Variants in UNC5D observed in about 807,000 individuals in gnomAD.
UNC5D encodes unc-5 netrin receptor D.
A neutral mutation model predicts 105.4 loss-of-function variants in UNC5D; 39 were observed. That is an observed-to-expected ratio of 0.37 (90% CI 0.29 to 0.48). UNC5D has a LOEUF of 0.48. Ranked by LOEUF, UNC5D falls within the 20% of genes least tolerant of loss-of-function variation. The probability of loss-of-function intolerance (pLI) is 0.98; values close to 1 mark genes in which losing one functional copy is unlikely to be tolerated. For synonymous variants in UNC5D, 452 were observed against 450.4 expected (o/e 1.00, Z -0.04); for missense variants, 991 against 1,202.4 (o/e 0.82, Z 2.60).
intron 9 of UNC5D, among the ~76,000 whole-genome samples, chr8:35,722,782 C>T (rs988368043): frequency 2.0e-5 from 3 of 152,050 alleles, no homozygotes; most frequent in Non-Finnish European, 2.9e-5. Context: ...TTACAGCCTC[C>T]CAGGTATATT....
At chr8:35,325,331 T>A (rs1376441816) in intron 1 of UNC5D, among the ~76,000 whole-genome samples, 1 of 152,198 alleles carries the variant, frequency 6.6e-6, no homozygotes, top group African/African-American at 2.4e-5. Context: ...TGCTTCTAGG[T>A]TGACAATCTC....
intron 1 of UNC5D, among the ~76,000 whole-genome samples, chr8:35,492,263 G>A (rs1811263351): frequency 6.6e-6 from 1 of 151,990 alleles, no homozygotes; most frequent in Non-Finnish European, 1.5e-5. Context: ...AGAGCTTAGT[G>A]ATTTATTTCT....
At chr8:35,678,047 C>T (rs1407538430) in intron 4 of UNC5D, among the ~76,000 whole-genome samples, 3 of 151,878 alleles carry the variant, frequency 2.0e-5, no homozygotes, top group African/African-American at 4.8e-5. Context: ...AGTTTTCAAA[C>T]TATAATTTTG....
chr8:35,468,512 C>G (rs1809474833), intron 1 of UNC5D, among the ~76,000 whole-genome samples: 1 of 152,170 alleles, frequency 6.6e-6, no homozygotes, highest in East Asian at 1.9e-4. Flanking sequence ...TATTCAGTGC[C>G]TAGCTATCTC....
At chr8:35,458,117 T>C (rs1339206443) in intron 1 of UNC5D, among the ~76,000 whole-genome samples, 1 of 152,084 alleles carries the variant, frequency 6.6e-6, no homozygotes, top group Non-Finnish European at 1.5e-5. Flanking sequence ...CATAGTAACA[T>C]GGTTGCTGAA....
At chr8:35,426,181 C>A (rs978920194) in intron 1 of UNC5D, among the ~76,000 whole-genome samples, 1 of 152,064 alleles carries the variant, frequency 6.6e-6, no homozygotes, top group Non-Finnish European at 1.5e-5. Context: ...TTCTTCCCAC[C>A]ACCATCAAAA....
At chr8:35,672,447 G>A (rs1824873526) in intron 4 of UNC5D, among the ~76,000 whole-genome samples, 1 of 152,272 alleles carries the variant, frequency 6.6e-6, no homozygotes, top group South Asian at 2.1e-4. Flanking sequence ...ATCACACTAT[G>A]TTTTAGAGCA....
At chr8:35,512,886 AC>A (rs1405947728) in intron 1 of UNC5D, among the ~76,000 whole-genome samples, 1 of 151,960 alleles carries the variant, frequency 6.6e-6, no homozygotes, top group East Asian at 2.0e-4. Context: ...TCACTATATT[AC>A]CCAAACTGGC....
At chr8:35,284,197 G>A (rs1345590355) in intron 1 of UNC5D, among the ~76,000 whole-genome samples, 1 of 152,054 alleles carries the variant, frequency 6.6e-6, no homozygotes, top group Non-Finnish European at 1.5e-5. Context: ...TAAAAATTAT[G>A]CATATGAAAT....
intron 4 of UNC5D, among the ~76,000 whole-genome samples, chr8:35,607,728 G>C (rs913556047): frequency 1.3e-5 from 2 of 151,878 alleles, no homozygotes; most frequent in Non-Finnish European, 2.9e-5. Flanking sequence ...TTTCCTCTTT[G>C]ATGGGCACTT....
chr8:35,698,695 A>T (rs1222094202), intron 7 of UNC5D, among the ~76,000 whole-genome samples: 9 of 152,086 alleles, frequency 5.9e-5, no homozygotes, highest in Non-Finnish European at 5.9e-5. Flanking sequence ...TATCTTTGCT[A>T]TTGTAAATCA....
At chr8:35,736,357 C>A (rs975243886) in intron 11 of UNC5D, among the ~76,000 whole-genome samples, 1 of 152,088 alleles carries the variant, frequency 6.6e-6, no homozygotes, top group Non-Finnish European at 1.5e-5. Context: ...GGCTATACAG[C>A]GAGACCCTGT....
intron 4 of UNC5D, among the ~76,000 whole-genome samples, chr8:35,644,767 A>G (rs544803055): frequency 6.6e-6 from 1 of 152,296 alleles, no homozygotes; most frequent in East Asian, 1.9e-4. Context: ...ATCATCTTAA[A>G]GAGTTGTGGC....
chr8:35,296,356 T>C (rs1187518940), intron 1 of UNC5D, among the ~76,000 whole-genome samples: 1 of 152,168 alleles, frequency 6.6e-6, no homozygotes, highest in African/African-American at 2.4e-5. Context: ...GCCATCCTAA[T>C]AGGTGTGAGG....
chr8:35,328,047 T>TTTTG (rs948530974), intron 1 of UNC5D, among the ~76,000 whole-genome samples: 5 of 152,086 alleles, frequency 3.3e-5, no homozygotes, highest in Non-Finnish European at 7.4e-5. Context: ...AGGATGTGTT[T>TTTTG]TTTGTTTGTT....
chr8:35,345,336 G>GGA (rs1811731322), intron 1 of UNC5D, among the ~76,000 whole-genome samples: 1 of 151,664 alleles, frequency 6.6e-6, no homozygotes, highest in Non-Finnish European at 1.5e-5. Flanking sequence ...GCAGAAATGT[G>GGA]GAAAAAAAAG....
At chr8:35,475,322 G>A (rs1324420046) in intron 1 of UNC5D, among the ~76,000 whole-genome samples, 1 of 152,112 alleles carries the variant, frequency 6.6e-6, no homozygotes, top group East Asian at 1.9e-4. Context: ...ATTTTTGTTA[G>A]GCATGCCTAC....
chr8:35,721,386 G>GT, intron 8 of UNC5D: 3 of 702,588 alleles, frequency 4.3e-6, no homozygotes, highest in Non-Finnish European at 7.8e-6. Flanking sequence ...ATCTTGCGGG[G>GT]TGGGGAGGCA....
chr8:35,491,184 G>T (rs1811194695), intron 1 of UNC5D, among the ~76,000 whole-genome samples: 1 of 151,968 alleles, frequency 6.6e-6, no homozygotes, highest in Non-Finnish European at 1.5e-5. Context: ...AAGTGGAATA[G>T]GTATCAAAAA....
Sources: allele counts gnomAD v4.1 joint callset (sites outside exome capture counted in the v4.1 genomes callset), GRCh38; gene constraint gnomAD v4.1.1; transcripts MANE v1.5; gene names NCBI Gene and HGNC (gene_info 2026-07-23, HGNC 2026-07-21).